Variants in ITPR1 observed in about 807,000 individuals in gnomAD.
ITPR1 encodes the protein inositol 1,4,5-trisphosphate-gated calcium channel ITPR1.
In ITPR1, 96 loss-of-function variants were observed where a neutral mutation model predicts 318.4. The ratio of observed to expected loss-of-function variants is 0.30; its 90% CI spans 0.26 to 0.36. ITPR1 has a LOEUF of 0.36. Among genes scored for constraint, ITPR1 ranks in the 10% least tolerant of loss-of-function variants. ITPR1 has a pLI of 1.00. For synonymous variants in ITPR1, 1,312 were observed against 1,289.9 expected (o/e 1.02, Z -0.37); for missense variants, 2,440 against 3,460.2 (o/e 0.71, Z 7.40).
rs768555842 is a variant in ITPR1, at chr3:4,675,232, T to C, written c.2763T>C (p.Asp921=). The change falls in exon 23 of 62, where the codon GAT becomes GAC. Residue 921 remains aspartate (D), a synonymous_variant. Transcript: ENST00000649015. The part of the protein sequence containing the change: ...AKGEENKGNN[D]VEKLKSSNVM... ...GAGAAGAGAATAAAGGTAACAATGA[T>C]GTGGAGAAGCTGAAGAGTGAGTATC... 4 of 1,610,054 alleles carry C rather than the reference T, an allele frequency of 2.5e-6. No individual in the cohort carries two copies. In the African/African-American group the frequency reaches 5.4e-5, roughly 22 times the overall value.
chr3:4,609,020 A>C (rs1313539734), intron 4 of ITPR1, among the ~76,000 whole-genome samples: 5 of 137,074 alleles, frequency 3.6e-5, no homozygotes, highest in East Asian at 2.2e-4. Context: ...AAAAAAAAAA[A>C]AAAAACAAAA....
In ITPR1 at chr3:4,518,596, C is replaced by T. The variant is rs143959512; in HGVS notation, c.92+2013C>T. On this transcript the variant is annotated intron_variant, in intron 3 of 61. Transcript: ENST00000649015. ...TGGACTACGGTGAGTGAGTGCCAGT[C>T]GTTATGGGACTCACTGTGTAGCACT... is the stretch of plus-strand genomic sequence containing the variant. Among the ~76,000 whole-genome samples the T allele has an allele frequency of 2.0e-3, 310 of 152,158 alleles. 2 individuals are homozygous for T. Among genetic ancestry groups the T allele is most frequent in the Middle Eastern group, 3.4e-3 (1 of 294 alleles).
chr3:4,710,939 CG>C lies in ITPR1; in HGVS notation c.4991+468del, dbSNP rs1368753140. Reference sequence around the variant, plus strand: ...TAGATTTTTGCCCCAAGGCCGGACACGGTGGCTCATGCCTGTAATCCCAGCA... The same window carrying C: ...TAGATTTTTGCCCCAAGGCCGGACACGTGGCTCATGCCTGTAATCCCAGCA... On this transcript the variant is annotated intron_variant, in intron 38 of 61. Transcript: ENST00000649015. The surrounding 1 kb of genome is among the most constrained non-coding windows in gnomAD (Gnocchi z 4.2). Among the ~76,000 whole-genome samples, 1 of 152,166 alleles carries C rather than the reference CG, an allele frequency of 6.6e-6. No homozygotes were observed. The highest frequency in any genetic ancestry group is 1.9e-4 in the East Asian group (1 of 5,190).
chr3:4,560,411 G>T lies in ITPR1; in HGVS notation c.163+39317G>T, dbSNP rs1205680000. 2.0e-5 allele frequency among the ~76,000 whole-genome samples: 3 copies of T among 152,232 alleles called. 1 individual carries two copies. The highest frequency in any genetic ancestry group is 4.1e-4 in the South Asian group (2 of 4,824). On this transcript the variant is annotated intron_variant, in intron 4 of 61. Coordinates refer to ENST00000649015, the MANE Select transcript of ITPR1 (RefSeq NM_001378452.1). ...ATACACATACATTAGTTATTATTTT[G>T]TAGAGTTTTTAATGCTCAATGTTGA...
rs191656883 is a variant in ITPR1 at position 4,541,648 on chromosome 3, A to G, written c.163+20554A>G. Among the ~76,000 whole-genome samples the G allele has an allele frequency of 9.7e-4, 145 of 150,210 alleles. 1 individual carries two copies. Among genetic ancestry groups the G allele is most frequent in the African/African-American group, 3.4e-3 (140 of 40,822 alleles). On this transcript the variant is annotated intron_variant, in intron 4 of 61. Transcript: ENST00000649015. ...CAAATACCACTTTTTTTTTTTTGAG[A>G]TGGAGTCTCACTCTGTTGCCAGGCT...
intron 40 of ITPR1, among the ~76,000 whole-genome samples, chr3:4,725,344 C>T (rs2042433929): frequency 1.3e-5 from 2 of 152,016 alleles, no homozygotes; most frequent in South Asian, 4.1e-4. Flanking sequence ...TTGTCTCCTC[C>T]AGCACAACCA....
At chr3:4,805,697 T>G (rs2048510134) in intron 54 of ITPR1, among the ~76,000 whole-genome samples, 1 of 152,220 alleles carries the variant, frequency 6.6e-6, no homozygotes, top group South Asian at 2.1e-4. Context: ...TGTAACAAAT[T>G]CAGAAAATGC....
chr3:4,603,908 A>G (rs1213725746), intron 4 of ITPR1, among the ~76,000 whole-genome samples: 2 of 152,198 alleles, frequency 1.3e-5, no homozygotes, highest in African/African-American at 4.8e-5. Flanking sequence ...GTTCTTTGAG[A>G]AATCTCCAAA....
At chr3:4,801,906 A>ATGT (rs2048257935) in intron 54 of ITPR1, among the ~76,000 whole-genome samples, 1 of 152,218 alleles carries the variant, frequency 6.6e-6, no homozygotes, top group African/African-American at 2.4e-5. Context: ...AAAGCTCGGG[A>ATGT]TGTTATCAAC....
chr3:4,657,156 G>A (rs938483849), intron 12 of ITPR1, among the ~76,000 whole-genome samples: 44 of 152,174 alleles, frequency 2.9e-4, no homozygotes, highest in Non-Finnish European at 1.2e-4. Context: ...ATCTTTTTCA[G>A]GGCTACGCTG....
chr3:4,799,595 A>G (rs186732347), intron 53 of ITPR1, among the ~76,000 whole-genome samples: 7 of 152,230 alleles, frequency 4.6e-5, no homozygotes, highest in Admixed American at 2.0e-4. Flanking sequence ...CTGCTTGTTT[A>G]CATCTGAAGG....
intron 4 of ITPR1, among the ~76,000 whole-genome samples, chr3:4,586,487 G>A (rs1405348035): frequency 6.6e-6 from 1 of 151,170 alleles, no homozygotes; most frequent in East Asian, 1.9e-4. Flanking sequence ...TCACTGTCTG[G>A]CGGCAAGTAG....
At chr3:4,620,976 C>T (rs2092607717) in intron 4 of ITPR1, among the ~76,000 whole-genome samples, 1 of 151,832 alleles carries the variant, frequency 6.6e-6, no homozygotes, top group African/African-American at 2.4e-5. Context: ...TTTCAACTTA[C>T]TAGTTGATGG....
chr3:4,532,651 A>T (rs1260178567), intron 4 of ITPR1, among the ~76,000 whole-genome samples: 6 of 151,626 alleles, frequency 4.0e-5, no homozygotes, highest in African/African-American at 1.2e-4. Context: ...GATTACAGGC[A>T]TGAGCCACGG....
At chr3:4,650,765 C>T (rs1279267702) in intron 10 of ITPR1, among the ~76,000 whole-genome samples, 2 of 151,958 alleles carry the variant, frequency 1.3e-5, no homozygotes, top group African/African-American at 4.8e-5. Flanking sequence ...AAATATTTCT[C>T]CTGCCCTGAC....
At chr3:4,695,451 A>T (rs368886055) in intron 33 of ITPR1, among the ~76,000 whole-genome samples, 1 of 152,202 alleles carries the variant, frequency 6.6e-6, no homozygotes, top group Non-Finnish European at 1.5e-5. Context: ...TCAGTTGTAT[A>T]CTGCAAGAAC....
At chr3:4,827,050 A>G (rs1212836039) in intron 60 of ITPR1, among the ~76,000 whole-genome samples, 2 of 152,230 alleles carry the variant, frequency 1.3e-5, no homozygotes, top group Non-Finnish European at 2.9e-5. Context: ...ACTTCGTCCA[A>G]CGATGTATGA....
At chr3:4,639,495 C>T (rs763479240) in intron 6 of ITPR1, 25 bp downstream of exon 6, 3 of 1,474,322 alleles carry the variant, frequency 2.0e-6, no homozygotes, top group Admixed American at 1.9e-5. Context: ...CTCTTCCCTT[C>T]TGAAGCTGAA....
chr3:4,725,718 G>T (rs527633385), intron 41 of ITPR1, 137 bp downstream of exon 41: 12 of 731,424 alleles, frequency 1.6e-5, no homozygotes, highest in East Asian at 1.4e-4. Flanking sequence ...CTCTAGGCTG[G>T]CTGGGAACAG....
Sources: allele counts gnomAD v4.1 joint callset (sites outside exome capture counted in the v4.1 genomes callset), GRCh38; gene constraint gnomAD v4.1.1; non-coding constraint Gnocchi (gnomAD v3.1); transcripts MANE v1.5; gene names NCBI Gene and HGNC (gene_info 2026-07-23, HGNC 2026-07-21).